Variants in MYO5B observed in about 807,000 individuals in gnomAD.
MYO5B encodes the protein unconventional myosin-Vb.
MYO5B carries 143 observed loss-of-function variants against 229.3 expected under a neutral mutation model. The observed-to-expected ratio is 0.62, with a 90% CI of 0.54 to 0.72. The LOEUF is 0.72. Ranked by LOEUF, MYO5B falls within the 30% of genes least tolerant of loss-of-function variation. The pLI, the probability that MYO5B is intolerant of heterozygous loss-of-function variation, is 0.00. For missense variants in MYO5B, 2,321 were observed against 2,331.0 expected (o/e 1.00, Z 0.09); for synonymous variants, 918 against 885.2 (o/e 1.04, Z -0.66).
intron 9 of MYO5B, among the ~76,000 whole-genome samples, chr18:49,979,236 C>T (rs1412772601): frequency 1.3e-5 from 2 of 152,126 alleles, no homozygotes; most frequent in African/African-American, 4.8e-5. Context: ...GGTATATAAG[C>T]AGCAGATGTC....
chr18:49,827,066 T>G (rs2023856174), intron 39 of MYO5B, among the ~76,000 whole-genome samples: 1 of 152,068 alleles, frequency 6.6e-6, no homozygotes, highest in Non-Finnish European at 1.5e-5. Flanking sequence ...GTACATCACA[T>G]AAAATGGCAG....
At chr18:50,067,003 C>T (rs1386973917) in intron 1 of MYO5B, among the ~76,000 whole-genome samples, 2 of 152,244 alleles carry the variant, frequency 1.3e-5, no homozygotes, top group East Asian at 3.9e-4. Context: ...CTTTCATGTC[C>T]AGTTGAAAAC....
Position 49,877,772 on chromosome 18 carries a change from C to T in MYO5B, c.3387G>A (p.Gln1129=), listed in dbSNP as rs753452028. The change falls in exon 25 of 40, where the codon CAG becomes CAA. Residue 1129 remains glutamine, a synonymous_variant. Transcript: ENST00000285039. ...SEIGDTEDAL[Q]QVEEIGLEKA... Reference sequence around the variant, plus strand: ...AGCCTGCATCACTCACCTCCACCTGCTGGAGGGCATCCTCAGTGTCTCCGA... The same window carrying T: ...AGCCTGCATCACTCACCTCCACCTGTTGGAGGGCATCCTCAGTGTCTCCGA... The T allele has an allele frequency of 1.9e-6, 3 of 1,614,092 alleles. No individual in the cohort carries two copies. Among genetic ancestry groups the T allele is most frequent in the Admixed American group, 1.7e-5 (1 of 60,022 alleles).
intron 29 of MYO5B, among the ~76,000 whole-genome samples, chr18:49,857,330 C>T (rs943761751): frequency 6.6e-6 from 1 of 152,084 alleles, no homozygotes; most frequent in African/African-American, 2.4e-5. Context: ...GAGGAGAGAA[C>T]CCTAAGTGTG....
At chr18:49,958,236 C>T (rs1275110641) in intron 12 of MYO5B, among the ~76,000 whole-genome samples, 1 of 152,214 alleles carries the variant, frequency 6.6e-6, no homozygotes, top group Non-Finnish European at 1.5e-5. Context: ...CGGAGAATCA[C>T]TTCTATGGAT....
chr18:49,836,514 G>A (rs975121778), intron 38 of MYO5B, among the ~76,000 whole-genome samples, 197 bp downstream of exon 38: 4 of 152,148 alleles, frequency 2.6e-5, no homozygotes, highest in Admixed American at 6.5e-5. Context: ...AGTATCTGTG[G>A]CATCTTGTTT....
chr18:50,157,084 T>C (rs540584148), intron 1 of MYO5B, among the ~76,000 whole-genome samples: 127 of 140,170 alleles, frequency 9.1e-4, no homozygotes, highest in African/African-American at 3.2e-3. Flanking sequence ...ATATCCTTTT[T>C]GTTTTGTTTT....
intron 6 of MYO5B, among the ~76,000 whole-genome samples, chr18:49,992,053 T>C (rs939090029): frequency 1.3e-5 from 2 of 152,226 alleles, no homozygotes; most frequent in Non-Finnish European, 2.9e-5. Flanking sequence ...ATAAGAGGCA[T>C]TCAACGTTTG....
chr18:49,933,665 C>T (rs2025218594), intron 16 of MYO5B, among the ~76,000 whole-genome samples: 1 of 152,182 alleles, frequency 6.6e-6, no homozygotes, highest in Non-Finnish European at 1.5e-5. Context: ...TGCTTCTCAA[C>T]ATCCTATGAT....
At chr18:50,036,783 A>G in intron 4 of MYO5B, 67 bp downstream of exon 4, 1 of 1,573,060 alleles carries the variant, frequency 6.4e-7, no homozygotes, top group South Asian at 1.1e-5. Flanking sequence ...GTTGCAGAGG[A>G]AGGTAAAAAC....
chr18:49,946,563 T>A (rs1209886684), intron 14 of MYO5B, among the ~76,000 whole-genome samples: 1 of 152,248 alleles, frequency 6.6e-6, no homozygotes, highest in East Asian at 1.9e-4. Context: ...AGAAAGGCTA[T>A]CTATGCTTTT....
intron 1 of MYO5B, among the ~76,000 whole-genome samples, chr18:50,107,793 CA>C (rs1355273177): frequency 6.6e-6 from 1 of 152,180 alleles, no homozygotes; most frequent in Non-Finnish European, 1.5e-5. Flanking sequence ...CATGTACTTA[CA>C]GTATAATTAT....
intron 3 of MYO5B, among the ~76,000 whole-genome samples, chr18:50,039,604 T>C (rs1269293716): frequency 2.0e-5 from 3 of 152,198 alleles, no homozygotes; most frequent in Non-Finnish European, 2.9e-5. Flanking sequence ...GTGCTGGGAT[T>C]ACAGGCGTGA....
chr18:49,898,179 T>G (rs923794869), intron 21 of MYO5B, among the ~76,000 whole-genome samples: 1 of 152,182 alleles, frequency 6.6e-6, no homozygotes, highest in Non-Finnish European at 1.5e-5. Flanking sequence ...CAAACTCACC[T>G]AACGATGCAT....
At chr18:50,163,713 A>T (rs1472444000) in intron 1 of MYO5B, among the ~76,000 whole-genome samples, 3 of 152,224 alleles carry the variant, frequency 2.0e-5, no homozygotes, top group African/African-American at 7.2e-5. Flanking sequence ...AGCTTCATTC[A>T]GCAGAGACCA....
rs757926386 is a variant in MYO5B at position 50,194,768 on chromosome 18, T to A, written c.26A>T (p.Gln9Leu). The stretch of plus-strand genomic sequence containing the variant: ...CGCCTCCCTCGCGGCCGCGCTCACC[T>A]GGCTGTAGAGCTCGCCCACCGACAT... The part of the protein sequence containing the change: MSVGELYS[Q>L]CTRVWIPDPD... The change falls in exon 1 of 40, where the codon CAG (glutamine) becomes CTG (leucine). Residue 9 changes from glutamine (Q) to leucine (L), a missense_variant and splice_region_variant. Physicochemically the swap from Gln to Leu is moderately radical, Grantham distance 113 (BLOSUM62 -2). Transcript: ENST00000285039. 6.8e-7 allele frequency: 1 copy of A among 1,473,852 alleles called. No homozygotes were observed. Among genetic ancestry groups the A allele is most frequent in the South Asian group, 1.3e-5 (1 of 77,894 alleles). 91.3% of individuals were successfully genotyped at this position (1,473,852 alleles called of 1,614,324 possible).
intron 21 of MYO5B, 42 bp from the exon 22 acceptor site, chr18:49,895,216 G>A (rs749675635): frequency 2.0e-6 from 3 of 1,532,314 alleles, no homozygotes; most frequent in African/African-American, 1.4e-5. Flanking sequence ...GAGAAGAAGT[G>A]GGGGAAGAAA....
intron 9 of MYO5B, among the ~76,000 whole-genome samples, 164 bp from the exon 10 acceptor site, chr18:49,974,779 T>TCACACA (rs111420791): frequency 2.6e-4 from 31 of 117,118 alleles, no homozygotes; most frequent in Admixed American, 8.2e-4. Flanking sequence ...GCAGTCTCTC[T>TCACACA]CACACACACA....
intron 17 of MYO5B, among the ~76,000 whole-genome samples, chr18:49,917,792 T>C (rs1015143484): frequency 6.6e-6 from 1 of 152,222 alleles, no homozygotes; most frequent in Non-Finnish European, 1.5e-5. Flanking sequence ...TGGCTGAGCA[T>C]TCTGGACTTC....
Sources: gnomAD v4.1 joint callset for allele counts (sites outside exome capture counted in the v4.1 genomes callset) on GRCh38, gnomAD v4.1.1 for gene constraint, MANE v1.5 for transcripts, NCBI Gene and HGNC (gene_info 2026-07-23, HGNC 2026-07-21) for gene names.